Variants in TPCN2 observed in about 807,000 individuals in gnomAD.
The protein encoded by TPCN2 is two pore segment channel 2, also known as two pore channel protein 2.
A neutral mutation model predicts 111.4 loss-of-function variants in TPCN2; 92 were observed. The observed-to-expected ratio is 0.83, with a 90% confidence interval of 0.70 to 0.98. The LOEUF is 0.98. Among genes scored for constraint, TPCN2 ranks in the 50% least tolerant of loss-of-function variants. The pLI is 0.00. For missense variants in TPCN2, 995 were observed against 980.1 expected (o/e 1.02, Z -0.20); for synonymous variants, 405 against 414.5 (o/e 0.98, Z 0.28).
chr11:69,082,943 C>T (rs1289286061), intron 18 of TPCN2, among the ~76,000 whole-genome samples: 3 of 151,024 alleles, frequency 2.0e-5, no homozygotes, highest in African/African-American at 7.3e-5. Flanking sequence ...GATGCATGAT[C>T]GTGTGTGCAC....
chr11:69,056,683 CCA>C (rs1280891025), intron 4 of TPCN2, among the ~76,000 whole-genome samples: 1 of 150,232 alleles, frequency 6.7e-6, no homozygotes, highest in African/African-American at 2.5e-5. Flanking sequence ...CAGGCGCGTG[CCA>C]CCACGCCTGG....
At chr11:69,051,966 G>C (rs142176389) in intron 1 of TPCN2, among the ~76,000 whole-genome samples, 1 of 152,174 alleles carries the variant, frequency 6.6e-6, no homozygotes, top group Non-Finnish European at 1.5e-5. Context: ...TGGGGGCCCA[G>C]GGGAAGCTGC....
intron 19 of TPCN2, among the ~76,000 whole-genome samples, 157 bp downstream of exon 19, chr11:69,084,173 C>T (rs942992565): frequency 3.9e-5 from 6 of 152,142 alleles, no homozygotes; most frequent in African/African-American, 9.7e-5. Flanking sequence ...AGTACAGGGT[C>T]GGGGTAAGAA....
rs753794712 is a variant in TPCN2, at chr11:69,049,065, C to T, written c.68C>T (p.Pro23Leu). 7 of 1,242,574 alleles carry T rather than the reference C, an allele frequency of 5.6e-6. No individual in the cohort carries two copies. In the Admixed American group the frequency reaches 2.5e-4, roughly 45 times the overall value. 77.0% of individuals were successfully genotyped at this position (1,242,574 alleles called of 1,614,324 possible). ...GCCCGCGGCGGTGGCGGCGACTGGC[C>T]GGCGGGGCTGACCACTTACCGCAGC... ...GGARGGGGDWPAGLTTYRSIQ... is the reference protein window; with the variant it reads ...GGARGGGGDWLAGLTTYRSIQ... Residue 23 changes from proline (P) to leucine (L), a missense_variant, in exon 1 of 25, where the codon CCG becomes CTG. Coordinates refer to ENST00000294309, the MANE Select transcript of TPCN2 (RefSeq NM_139075.4).
chr11:69,056,800 G>A (rs769147847), intron 4 of TPCN2, among the ~76,000 whole-genome samples: 3 of 151,258 alleles, frequency 2.0e-5, no homozygotes, highest in African/African-American at 4.9e-5. Context: ...CAAAGTGCTG[G>A]GATTACAGGT....
intron 7 of TPCN2, among the ~76,000 whole-genome samples, chr11:69,067,301 G>A (rs1277109711): frequency 2.0e-5 from 3 of 152,258 alleles, no homozygotes; most frequent in African/African-American, 7.2e-5. Flanking sequence ...GCGGGTGAGC[G>A]GTCTCCCTGG....
chr11:69,054,881 T>C, intron 3 of TPCN2, 84 bp downstream of exon 3: 1 of 1,402,526 alleles, frequency 7.1e-7, no homozygotes, highest in Non-Finnish European at 1.0e-6. Flanking sequence ...GATCACCTGG[T>C]CTCAGGGTCC....
chr11:69,067,130 T>TCCTCCTGCC (rs1427527127), intron 7 of TPCN2, among the ~76,000 whole-genome samples: 1 of 152,124 alleles, frequency 6.6e-6, no homozygotes, highest in Non-Finnish European at 1.5e-5. Flanking sequence ...GCCCCTCTGC[T>TCCTCCTGCC]CCTCCTGCCC....
chr11:69,084,313 G>A (rs1278825870), intron 19 of TPCN2, among the ~76,000 whole-genome samples: 2 of 152,200 alleles, frequency 1.3e-5, no homozygotes, highest in African/African-American at 4.8e-5. Flanking sequence ...TTTCTGGGTT[G>A]TGGATCTCGT....
rs116215960 is a variant in TPCN2 at position 69,055,086 on chromosome 11, C to T, written c.252-89C>T. On this transcript the variant is annotated intron_variant, in intron 3 of 24. Transcript: ENST00000294309. ...TCCACGCTCAGGCAGCGCCAACTCC[C>T]GTGCTTCGGACTGGGGAAGCTCCTG... 1.9e-3 allele frequency: 2,634 copies of T among 1,408,618 alleles called. 41 individuals carry two copies. In the African/African-American group the frequency reaches 0.034, roughly 18 times the overall value. The allele number at this position is 1,408,618 out of a possible 1,614,324, so 87.3% of individuals were successfully genotyped here.
chr11:69,072,860 C>T (rs934757529), intron 12 of TPCN2, 55 bp from the exon 13 acceptor site: 37 of 1,539,308 alleles, frequency 2.4e-5, no homozygotes, highest in East Asian at 4.5e-5. Context: ...CGCTCACCTT[C>T]GAGGGCGCTC....
Position 69,071,235 on chromosome 11 carries a change from G to A in TPCN2, c.896-121G>A. 3 of 747,852 alleles carry A rather than the reference G, an allele frequency of 4.0e-6. No homozygotes were observed. The South Asian group carries it at 4.6e-5, about 11-fold the overall frequency. 46.3% of individuals were successfully genotyped at this position (747,852 alleles called of 1,614,324 possible). A position where few individuals can be genotyped will look rare whatever the true frequency, so the allele number is the denominator to read the frequency against. ...CTCCCACCTGTGACTGCGCTGGCCAGGCCATGTTTCCATTTGATAGGGGAC... is the reference window on the plus strand; with the variant it reads ...CTCCCACCTGTGACTGCGCTGGCCAAGCCATGTTTCCATTTGATAGGGGAC... On this transcript the variant is annotated intron_variant, in intron 9 of 24. Transcript: ENST00000294309.
intron 5 of TPCN2, among the ~76,000 whole-genome samples, chr11:69,060,627 G>A (rs775902674): frequency 7.9e-5 from 12 of 152,146 alleles, no homozygotes; most frequent in East Asian, 1.9e-4. Flanking sequence ...GTACCTTCCC[G>A]TCCTTATAGA....
Position 69,081,300 on chromosome 11 carries a change from G to T in TPCN2, c.1590-100G>T, listed in dbSNP as rs772589727. On this transcript the variant is annotated intron_variant, in intron 17 of 24. Coordinates refer to ENST00000294309, the MANE Select transcript of TPCN2 (RefSeq NM_139075.4). Reference sequence around the variant, plus strand: ...GGGTGCACTCCCGTCATGCCCTGTTGCCCTCCCTGCGCCTCCGTCCAGGAA... The same window carrying T: ...GGGTGCACTCCCGTCATGCCCTGTTTCCCTCCCTGCGCCTCCGTCCAGGAA... 745 of 727,940 alleles carry T rather than the reference G, an allele frequency of 1.0e-3. 6 individuals carry two copies. Among genetic ancestry groups the T allele is most frequent in the Middle Eastern group, 2.3e-3 (6 of 2,656 alleles). The allele number at this position is 727,940 out of a possible 1,614,324, so 45.1% of individuals were successfully genotyped here.
intron 6 of TPCN2, 127 bp downstream of exon 6, chr11:69,063,117 G>T: frequency 2.4e-6 from 2 of 824,362 alleles, no homozygotes; most frequent in Non-Finnish European, 2.0e-6. Flanking sequence ...CTGGCTGGCT[G>T]GTGACGGTGT....
chr11:69,087,748 C>T (rs138562897), intron 24 of TPCN2, 127 bp from the exon 25 acceptor site: 22 of 672,102 alleles, frequency 3.3e-5, no homozygotes, highest in Admixed American at 2.3e-4. Flanking sequence ...TCTGAGTCCC[C>T]GTGTCTCTGT....
intron 18 of TPCN2, 59 bp downstream of exon 18, chr11:69,081,558 T>C: frequency 7.5e-7 from 1 of 1,336,680 alleles, no homozygotes; most frequent in Non-Finnish European, 1.0e-6. Context: ...GCTGCGTTGC[T>C]CCAGGGTGGG....
intron 5 of TPCN2, among the ~76,000 whole-genome samples, chr11:69,060,372 G>C (rs918529631): frequency 6.6e-6 from 1 of 152,218 alleles, no homozygotes; most frequent in Admixed American, 6.5e-5. Flanking sequence ...GTGGCCAGCT[G>C]TCCAGTCATA....
At chr11:69,082,468 C>T (rs1420571987) in intron 18 of TPCN2, among the ~76,000 whole-genome samples, 1 of 152,282 alleles carries the variant, frequency 6.6e-6, no homozygotes, top group Non-Finnish European at 1.5e-5. Context: ...TAATCACATG[C>T]AAATATCCAT....
Sources: allele counts gnomAD v4.1 joint callset (sites outside exome capture counted in the v4.1 genomes callset), GRCh38; gene constraint gnomAD v4.1.1; transcripts MANE v1.5; gene names NCBI Gene and HGNC (gene_info 2026-07-23, HGNC 2026-07-21).